Variants in CEP85L observed in about 807,000 individuals in gnomAD.
CEP85L encodes the protein centrosomal protein 85L.
A neutral mutation model predicts 100.3 loss-of-function variants in CEP85L; 60 were observed. The observed-to-expected ratio is 0.60, with a 90% CI of 0.49 to 0.74. CEP85L has a LOEUF of 0.74. CEP85L is among the 30% of genes least tolerant of loss of function. The probability of loss-of-function intolerance (pLI) is 0.00; values close to 1 mark genes in which losing one functional copy is unlikely to be tolerated. For missense variants in CEP85L, 973 were observed against 936.2 expected (o/e 1.04, Z -0.51); for synonymous variants, 319 against 322.7 (o/e 0.99, Z 0.12).
At chr6:118,622,495 C>A (rs1320707549) in intron 2 of CEP85L, among the ~76,000 whole-genome samples, 1 of 152,170 alleles carries the variant, frequency 6.6e-6, no homozygotes, top group Non-Finnish European at 1.5e-5. Context: ...CATTTAGGTA[C>A]AAAGGGCAGG....
intron 2 of CEP85L, among the ~76,000 whole-genome samples, chr6:118,604,250 A>G (rs183671190): frequency 2.7e-4 from 41 of 152,264 alleles, no homozygotes; most frequent in Non-Finnish European, 5.3e-4. Flanking sequence ...ATAACCCTTT[A>G]CATTTTTTTG....
intron 1 of CEP85L, among the ~76,000 whole-genome samples, chr6:118,697,669 C>CG (rs1562364770): frequency 6.6e-6 from 1 of 152,124 alleles, no homozygotes; most frequent in African/African-American, 2.4e-5. Flanking sequence ...AGAGAGGTGG[C>CG]GGTGTGGCAT....
At chr6:118,586,574 T>A (rs558946578) in intron 2 of CEP85L, among the ~76,000 whole-genome samples, 21 of 152,126 alleles carry the variant, frequency 1.4e-4, no homozygotes, top group African/African-American at 5.1e-4. Flanking sequence ...CCTGGAAACA[T>A]CACACTCAAG....
At position 118,511,225 on chromosome 6, in the gene CEP85L, A is replaced by G. The variant is rs1775946201; in HGVS notation, c.1257+73T>C. The stretch of plus-strand genomic sequence containing the variant: ...TATTAAGTTGATTTAAAATGTCCTT[A>G]TATTACAAGGTAAGTATATTATTAA... On this transcript the variant is annotated intron_variant, in intron 5 of 12. Coordinates refer to ENST00000368491, the MANE Select transcript of CEP85L (RefSeq NM_001042475.3). 3.4e-6 allele frequency: 3 copies of G among 885,286 alleles called. No homozygotes were observed. In the South Asian group the frequency reaches 4.4e-5, roughly 13 times the overall value. The allele number at this position is 885,286 out of a possible 1,614,324, so 54.8% of individuals were successfully genotyped here.
chr6:118,546,729 T>A (rs1303200801), intron 3 of CEP85L, among the ~76,000 whole-genome samples: 3 of 152,126 alleles, frequency 2.0e-5, no homozygotes, highest in African/African-American at 7.2e-5. Flanking sequence ...CTCGTTAGGC[T>A]TCTCGGTTTT....
In CEP85L at chr6:118,641,289, C is replaced by T. The variant is rs201606817; in HGVS notation, c.74-8678G>A. Among the ~76,000 whole-genome samples, 16 of 152,274 alleles carry T rather than the reference C, an allele frequency of 1.1e-4. No homozygotes were observed. In the East Asian group the frequency reaches 3.1e-3, roughly 29 times the overall value. On this transcript the variant is annotated intron_variant, in intron 1 of 12. Transcript: ENST00000368491. ...TCTCTGATAACCACCACTTTTTTAACATCATTCCAAGAGATTAAGCATAAG... is the reference window on the plus strand; with the variant it reads ...TCTCTGATAACCACCACTTTTTTAATATCATTCCAAGAGATTAAGCATAAG...
rs1772312298 is a variant in CEP85L, at chr6:118,463,122, A to T, written c.*2283T>A. 1 of 152,010 alleles carries T rather than the reference A, an allele frequency of 6.6e-6. No homozygotes were observed. Among genetic ancestry groups the T allele is most frequent in the African/African-American group, 2.4e-5 (1 of 41,442 alleles). The allele number at this position is 152,010 out of a possible 1,614,324, so 9.4% of individuals were successfully genotyped here. A position where few individuals can be genotyped will look rare whatever the true frequency, so the allele number is the denominator to read the frequency against. On this transcript the variant is annotated 3_prime_UTR_variant, in exon 13 of 13. Coordinates refer to ENST00000368491, the MANE Select transcript of CEP85L (RefSeq NM_001042475.3). ...TTAACTTTGGAATTTTATTTTTAAG[A>T]TACGTGAATTAAATTACTTTCTCTA... is the stretch of plus-strand genomic sequence containing the variant.
At chr6:118,494,218 G>C (rs189898657) in intron 5 of CEP85L, among the ~76,000 whole-genome samples, 2 of 152,184 alleles carry the variant, frequency 1.3e-5, no homozygotes, top group Admixed American at 1.3e-4. Context: ...AATTCCACGG[G>C]GACCCAATCA....
intron 3 of CEP85L, among the ~76,000 whole-genome samples, chr6:118,549,858 AT>A (rs1778438076): frequency 6.6e-6 from 1 of 151,912 alleles, no homozygotes; most frequent in Admixed American, 6.6e-5. Flanking sequence ...CAGAAATTAT[AT>A]TAAACTTACC....
At chr6:118,601,055 C>G (rs1781760219) in intron 2 of CEP85L, among the ~76,000 whole-genome samples, 1 of 152,140 alleles carries the variant, frequency 6.6e-6, no homozygotes, top group African/African-American at 2.4e-5. Context: ...TATCTTTGTT[C>G]ATCTGTGTGC....
At chr6:118,554,787 G>C (rs1778754490) in intron 3 of CEP85L, among the ~76,000 whole-genome samples, 1 of 152,194 alleles carries the variant, frequency 6.6e-6, no homozygotes, top group Non-Finnish European at 1.5e-5. Flanking sequence ...AAGCTTGCAT[G>C]GCAGACAATC....
intron 2 of CEP85L, among the ~76,000 whole-genome samples, chr6:118,576,985 C>T (rs921391960): frequency 3.3e-5 from 5 of 152,086 alleles, no homozygotes; most frequent in Non-Finnish European, 5.9e-5. Context: ...TCTGATCAAC[C>T]GGGCATGAAC....
chr6:118,665,600 C>G (rs977611186), intron 1 of CEP85L, among the ~76,000 whole-genome samples: 3 of 152,090 alleles, frequency 2.0e-5, no homozygotes, highest in Middle Eastern at 3.4e-3. Flanking sequence ...CTCAAGCAAT[C>G]CTCCCTCCTA....
At chr6:118,471,769 A>AG (rs1317340744) in intron 10 of CEP85L, among the ~76,000 whole-genome samples, 1 of 149,150 alleles carries the variant, frequency 6.7e-6, no homozygotes, top group Non-Finnish European at 1.5e-5. Flanking sequence ...ACAAAAATGA[A>AG]AAAAAAAAAA....
intron 3 of CEP85L, among the ~76,000 whole-genome samples, chr6:118,538,240 CTG>C (rs1777712680): frequency 6.6e-6 from 1 of 151,956 alleles, no homozygotes; most frequent in Non-Finnish European, 1.5e-5. Context: ...ATAGAAGAAA[CTG>C]TTTTTAATAA....
At chr6:118,617,428 A>G (rs546724514) in intron 2 of CEP85L, among the ~76,000 whole-genome samples, 1 of 152,152 alleles carries the variant, frequency 6.6e-6, no homozygotes, top group Non-Finnish European at 1.5e-5. Flanking sequence ...TGTAAGTTCT[A>G]TAAGATCCTG....
chr6:118,698,499 C>A, intron 1 of CEP85L, among the ~76,000 whole-genome samples: 1 of 147,858 alleles, frequency 6.8e-6, no homozygotes, highest in South Asian at 2.1e-4. Flanking sequence ...TAGGTAAAGT[C>A]AAACTACTTC....
At chr6:118,566,607 C>T (rs1284861590) in intron 2 of CEP85L, among the ~76,000 whole-genome samples, 3 of 151,960 alleles carry the variant, frequency 2.0e-5, no homozygotes, top group Non-Finnish European at 2.9e-5. Context: ...TTAGTAGAGA[C>T]GGGGCTTTGC....
At chr6:118,517,084 C>G (rs1052737651) in intron 4 of CEP85L, among the ~76,000 whole-genome samples, 2 of 152,270 alleles carry the variant, frequency 1.3e-5, no homozygotes, top group Admixed American at 1.3e-4. Flanking sequence ...TCTGAGGCCT[C>G]TGTTCTGTTC....
Sources: allele counts gnomAD v4.1 joint callset (sites outside exome capture counted in the v4.1 genomes callset), GRCh38; gene constraint gnomAD v4.1.1; transcripts MANE v1.5; gene names NCBI Gene and HGNC (gene_info 2026-07-23, HGNC 2026-07-21).